GPD2: variants seen among roughly 807,000 people sequenced by gnomAD.
The protein encoded by GPD2 is glycerol-3-phosphate dehydrogenase, mitochondrial.
GPD2 carries 54 observed loss-of-function variants against 82.4 expected under a neutral mutation model. The ratio of observed to expected loss-of-function variants is 0.66; its 90% CI spans 0.53 to 0.82. The LOEUF (loss-of-function observed/expected upper bound fraction) is 0.82, where lower values mean the gene tolerates loss of function less well. Ranked by LOEUF, GPD2 falls within the 40% of genes least tolerant of loss-of-function variation. The probability of loss-of-function intolerance (pLI) is 0.00; values close to 1 mark genes in which losing one functional copy is unlikely to be tolerated. For synonymous variants in GPD2, 288 were observed against 306.1 expected (o/e 0.94, Z 0.62); for missense variants, 748 against 896.2 (o/e 0.83, Z 2.11).
At chr2:156,430,922 A>G (rs955779167), upstream of GPD2, among the ~76,000 whole-genome samples, 1 of 152,236 alleles carries the variant, frequency 6.6e-6, no homozygotes, top group Non-Finnish European at 1.5e-5. Context: ...CTACTCTCCA[A>G]GTTTGGGAAG....
chr2:156,484,990 C>T (rs1683883643), intron 2 of GPD2, among the ~76,000 whole-genome samples: 2 of 152,218 alleles, frequency 1.3e-5, no homozygotes, highest in African/African-American at 4.8e-5. Context: ...TTTTAACTCT[C>T]ATGTATAAGT....
intron 6 of GPD2, among the ~76,000 whole-genome samples, chr2:156,542,665 T>C (rs765117744): frequency 1.4e-4 from 22 of 152,224 alleles, no homozygotes; most frequent in Non-Finnish European, 2.5e-4. Context: ...TTTCTAGTTC[T>C]TTATATTTTA....
At chr2:156,513,557 T>C in intron 6 of GPD2, 61 bp downstream of exon 6, 9 of 1,282,928 alleles carry the variant, frequency 7.0e-6, no homozygotes, top group Non-Finnish European at 1.0e-5. Context: ...ATGACCCGTA[T>C]AGTGTATTCT....
Position 156,557,619 on chromosome 2 carries a change from C to A in GPD2, c.1165+37C>A, listed in dbSNP as rs774306073. ...TTCCTTTAAGTTTGTCTCTCTGTGT[C>A]CATATCTCCCAAGCCATTCCAGCTC... On this transcript the variant is annotated intron_variant, in intron 9 of 16. Coordinates refer to ENST00000438166, the MANE Select transcript of GPD2 (RefSeq NM_000408.5). The A allele has an allele frequency of 2.0e-5, 22 of 1,122,702 alleles. No individual in the cohort carries two copies. The South Asian group carries it at 2.6e-4, about 13-fold the overall frequency. 69.5% of individuals were successfully genotyped at this position (1,122,702 alleles called of 1,614,324 possible). A position where few individuals can be genotyped will look rare whatever the true frequency, so the allele number is the denominator to read the frequency against.
At position 156,584,224 on chromosome 2, in the gene GPD2, T is replaced by A. The variant is rs1405451463; in HGVS notation, c.*1306T>A. On this transcript the variant is annotated 3_prime_UTR_variant, in exon 17 of 17. Transcript: ENST00000438166. ...ATTTTGGTGGCATTTTAACTAGTTA[T>A]CTGAATATTTATTAATCGTACTTCC... is the stretch of plus-strand genomic sequence containing the variant. 1.3e-5 allele frequency: 2 copies of A among 152,074 alleles called. No homozygotes were observed. The highest frequency in any genetic ancestry group is 2.9e-5 in the Non-Finnish European group (2 of 67,966). 9.4% of individuals were successfully genotyped at this position (152,074 alleles called of 1,614,324 possible).
At chr2:156,450,870 C>T (rs1189622965) in intron 1 of GPD2, among the ~76,000 whole-genome samples, 4 of 129,650 alleles carry the variant, frequency 3.1e-5, no homozygotes, top group African/African-American at 5.8e-5. Context: ...TGACTCTTAA[C>T]GAGCATGCTG....
rs536298453 is a variant in GPD2 at position 156,476,152 on chromosome 2, G to A, written c.47G>A (p.Gly16Asp). ...AAAGGGACGATTCTTGTTGGAGGAG[G>A]TGCTCTTGCAACTGTTTTAGGACTT... ...AVKGTILVGG[G>D]ALATVLGLSQ... is the part of the protein sequence containing the mutation. Residue 16 changes from glycine to aspartate, a missense_variant, in exon 2 of 17, where the codon GGT becomes GAT. By Grantham distance (94) the Gly-to-Asp change is moderately conservative. Coordinates refer to ENST00000438166, the MANE Select transcript of GPD2 (RefSeq NM_000408.5). 1.9e-6 allele frequency: 3 copies of A among 1,611,268 alleles called. No homozygotes were observed. Among genetic ancestry groups the A allele is most frequent in the African/African-American group, 1.3e-5 (1 of 74,990 alleles).
At chr2:156,401,017 A>G in the GPD2 span, among the ~76,000 whole-genome samples, 3 of 152,230 alleles carry the variant, frequency 2.0e-5, no homozygotes. Context: ...GCTCGAAGTA[A>G]AAGTGAAATA....
chr2:156,459,941 G>A (rs965993048), intron 1 of GPD2, among the ~76,000 whole-genome samples: 4 of 152,072 alleles, frequency 2.6e-5, no homozygotes, highest in African/African-American at 9.7e-5. Flanking sequence ...AAGTGCACTA[G>A]GTGAGGTCAG....
At chr2:156,477,626 C>T (rs1683559049) in intron 2 of GPD2, among the ~76,000 whole-genome samples, 1 of 152,174 alleles carries the variant, frequency 6.6e-6, no homozygotes, top group Non-Finnish European at 1.5e-5. Context: ...GAGGACATCA[C>T]TCTCAATGCA....
At chr2:156,437,735 G>A (rs1275880582) in intron 1 of GPD2, among the ~76,000 whole-genome samples, 2 of 152,104 alleles carry the variant, frequency 1.3e-5, no homozygotes, top group East Asian at 3.9e-4. Context: ...ATTCTAAACA[G>A]CATTAGAGCT....
chr2:156,522,119 C>T (rs1027477569), intron 6 of GPD2, among the ~76,000 whole-genome samples: 1 of 152,008 alleles, frequency 6.6e-6, no homozygotes, highest in African/African-American at 2.4e-5. Context: ...ACACTGTGTC[C>T]ACCCAGGCTA....
chr2:156,412,732 T>C, the GPD2 span, among the ~76,000 whole-genome samples: 1 of 152,190 alleles, frequency 6.6e-6, no homozygotes, highest in Admixed American at 6.5e-5. Flanking sequence ...CTAACTAGTA[T>C]AAAGATGAGC....
intron 1 of GPD2, among the ~76,000 whole-genome samples, chr2:156,461,539 C>A (rs1386867676): frequency 1.3e-5 from 2 of 151,944 alleles, no homozygotes; most frequent in Non-Finnish European, 2.9e-5. Context: ...TTACCATGCC[C>A]AGCTCATTTT....
chr2:156,521,181 G>A (rs1208316107), intron 6 of GPD2, among the ~76,000 whole-genome samples: 2 of 152,182 alleles, frequency 1.3e-5, no homozygotes, highest in African/African-American at 4.8e-5. Flanking sequence ...GTAAAACACA[G>A]CATTGAAAGT....
chr2:156,465,254 C>T (rs1181209417), intron 1 of GPD2, among the ~76,000 whole-genome samples: 1 of 125,122 alleles, frequency 8.0e-6, no homozygotes, highest in Non-Finnish European at 1.7e-5. Context: ...TGAGGGAAGG[C>T]TTGATATGTT....
At chr2:156,415,666 A>G in the GPD2 span, among the ~76,000 whole-genome samples, 1 of 151,726 alleles carries the variant, frequency 6.6e-6, no homozygotes, top group Admixed American at 6.6e-5. Flanking sequence ...GACCAGCCTG[A>G]CCAACGTGGA....
chr2:156,414,494 A>T, the GPD2 span, among the ~76,000 whole-genome samples: 9 of 152,204 alleles, frequency 5.9e-5, no homozygotes, highest in Admixed American at 2.0e-4. Flanking sequence ...TTATAGATAT[A>T]TCTAAATGTG....
the GPD2 span, among the ~76,000 whole-genome samples, chr2:156,410,510 T>C: frequency 6.6e-6 from 1 of 152,222 alleles, no homozygotes; most frequent in East Asian, 1.9e-4. Context: ...GCTTTGTGAA[T>C]TTTCTAATTT....
Sources: allele counts gnomAD v4.1 joint callset (sites outside exome capture counted in the v4.1 genomes callset), GRCh38; gene constraint gnomAD v4.1.1; transcripts MANE v1.5; gene names NCBI Gene and HGNC (gene_info 2026-07-23, HGNC 2026-07-21).